The following PTBP3 variants were observed in gnomAD, a reference collection of about 807,000 sequenced individuals.
PTBP3 encodes polypyrimidine tract binding protein 3.
Under a neutral mutation model 58.7 loss-of-function variants are expected in PTBP3, and 20 were observed. The ratio of observed to expected loss-of-function variants is 0.34; its 90% confidence interval spans 0.24 to 0.50. The LOEUF is 0.50. Among genes scored for constraint, PTBP3 ranks in the 20% least tolerant of loss-of-function variants. The pLI is 0.98. For missense variants in PTBP3, 509 were observed against 637.2 expected, an observed-to-expected ratio of 0.80 and a Z score of 2.17; for synonymous variants, 185 against 219.8, an observed-to-expected ratio of 0.84 and a Z score of 1.40.
intron 1 of PTBP3, among the ~76,000 whole-genome samples, chr9:112,310,400 C>A: frequency 6.6e-6 from 1 of 152,108 alleles, no homozygotes; most frequent in East Asian, 1.9e-4. Flanking sequence ...TTCATGATAT[C>A]CAATCAAAAA....
intron 7 of PTBP3, among the ~76,000 whole-genome samples, chr9:112,239,823 A>G (rs1306532042): frequency 7.9e-5 from 8 of 101,200 alleles, no homozygotes; most frequent in African/African-American, 2.1e-4. Flanking sequence ...GGAAGGGAGG[A>G]AGGGAGGAAG....
intron 3 of PTBP3, among the ~76,000 whole-genome samples, chr9:112,270,037 T>C (rs530145632): frequency 1.6e-4 from 24 of 151,614 alleles, no homozygotes; most frequent in African/African-American, 5.3e-4. Flanking sequence ...CTCCGTCTCC[T>C]GGGTTCAAAT....
intron 3 of PTBP3, among the ~76,000 whole-genome samples, chr9:112,274,939 T>G (rs565827339): frequency 1.3e-5 from 2 of 152,310 alleles, no homozygotes; most frequent in Non-Finnish European, 2.9e-5. Flanking sequence ...AATAACCCAA[T>G]GTTAACAAAT....
At chr9:112,333,786 C>A, upstream of PTBP3, 1 of 262,734 alleles carries the variant, frequency 3.8e-6, no homozygotes, top group Non-Finnish European at 7.1e-6. Context: ...TGGCAGCCGG[C>A]CTCCGGCTCA....
chr9:112,341,286 C>A, the PTBP3 span, among the ~76,000 whole-genome samples: 1 of 152,072 alleles, frequency 6.6e-6, no homozygotes, highest in Non-Finnish European at 1.5e-5. Context: ...TGCACACCAC[C>A]ATGCCTGGCT....
At chr9:112,246,935 C>A (rs1423360195) in intron 7 of PTBP3, among the ~76,000 whole-genome samples, 1 of 151,998 alleles carries the variant, frequency 6.6e-6, no homozygotes, top group Non-Finnish European at 1.5e-5. Flanking sequence ...TATTTCTGCT[C>A]AAAAATGTAT....
At chr9:112,323,607 A>AT (rs1331183382) in intron 1 of PTBP3, among the ~76,000 whole-genome samples, 1 of 152,214 alleles carries the variant, frequency 6.6e-6, no homozygotes, top group African/African-American at 2.4e-5. Flanking sequence ...CCAAAAGGAA[A>AT]TGCTAGAAAT....
the PTBP3 span, among the ~76,000 whole-genome samples, chr9:112,357,637 C>A: frequency 2.6e-5 from 4 of 152,208 alleles, no homozygotes; most frequent in African/African-American, 9.7e-5. Context: ...GTGTGAACCA[C>A]TGCACCCAGC....
chr9:112,351,195 T>G, the PTBP3 span, among the ~76,000 whole-genome samples: 1 of 152,256 alleles, frequency 6.6e-6, no homozygotes, highest in Non-Finnish European at 1.5e-5. Context: ...GATACCATAT[T>G]ACATTAAGCT....
chr9:112,274,808 A>C (rs1827538879), intron 3 of PTBP3, among the ~76,000 whole-genome samples: 1 of 152,200 alleles, frequency 6.6e-6, no homozygotes, highest in African/African-American at 2.4e-5. Context: ...GTAAATCCCC[A>C]AACAAACCAG....
intron 1 of PTBP3, chr9:112,332,768 A>G (rs749351797): frequency 3.1e-6 from 5 of 1,612,134 alleles, no homozygotes; most frequent in Admixed American, 3.3e-5. Flanking sequence ...TCGCTCGTAC[A>G]TCATATTTTA....
At chr9:112,342,752 AAG>A in the PTBP3 span, among the ~76,000 whole-genome samples, 1 of 151,928 alleles carries the variant, frequency 6.6e-6, no homozygotes, top group Non-Finnish European at 1.5e-5. Flanking sequence ...AAGAAGAAGA[AAG>A]AGAGATTAAA....
the PTBP3 span, among the ~76,000 whole-genome samples, chr9:112,351,486 T>C: frequency 6.6e-5 from 10 of 152,340 alleles, no homozygotes; most frequent in Admixed American, 6.5e-4. Flanking sequence ...ACTCTAAAGT[T>C]ATCTTTCCTT....
intron 5 of PTBP3, among the ~76,000 whole-genome samples, chr9:112,261,175 C>T (rs1461649857): frequency 6.6e-6 from 1 of 152,212 alleles, no homozygotes; most frequent in Non-Finnish European, 1.5e-5. Flanking sequence ...ACTTAAGCAA[C>T]AGCTGAACCC....
At chr9:112,330,101 C>A (rs1003722742) in intron 1 of PTBP3, among the ~76,000 whole-genome samples, 2 of 152,100 alleles carry the variant, frequency 1.3e-5, no homozygotes, top group African/African-American at 4.8e-5. Context: ...ACCCGCCCAC[C>A]TCTCAGCCTC....
At chr9:112,266,768 G>A (rs1397470487) in intron 4 of PTBP3, among the ~76,000 whole-genome samples, 2 of 152,114 alleles carry the variant, frequency 1.3e-5, no homozygotes, top group African/African-American at 4.8e-5. Context: ...AATACACACC[G>A]AATATTACCA....
intron 7 of PTBP3, among the ~76,000 whole-genome samples, chr9:112,248,052 C>T (rs1476629620): frequency 6.6e-6 from 1 of 152,122 alleles, no homozygotes; most frequent in Non-Finnish European, 1.5e-5. Context: ...ACTACTCTTG[C>T]AACTTAATTT....
chr9:112,225,541 T>C (rs1834952035), intron 12 of PTBP3, among the ~76,000 whole-genome samples: 1 of 152,194 alleles, frequency 6.6e-6, no homozygotes, highest in South Asian at 2.1e-4. Flanking sequence ...TACTGGACTG[T>C]ACACTTAAAA....
chr9:112,333,766 C>A, upstream of PTBP3: 1 of 297,452 alleles, frequency 3.4e-6, no homozygotes, highest in Non-Finnish European at 6.2e-6. Context: ...CGCGCCCACC[C>A]TCGCCCCGCT....
Sources: allele counts gnomAD v4.1 joint callset (sites outside exome capture counted in the v4.1 genomes callset), GRCh38; gene constraint gnomAD v4.1.1; transcripts MANE v1.5; gene names NCBI Gene and HGNC (gene_info 2026-07-23, HGNC 2026-07-21).